The following DSC3 variants were observed in gnomAD, a reference collection of about 807,000 sequenced individuals.
DSC3 encodes desmocollin-3.
In DSC3, 97 loss-of-function variants were observed where a neutral mutation model predicts 89.5. That is an observed-to-expected ratio of 1.08 (90% CI 0.92 to 1.28). The LOEUF is 1.28. Ranked by LOEUF, DSC3 falls within the 50% of genes most tolerant of loss-of-function variation. The probability of loss-of-function intolerance (pLI) is 0.00; values close to 1 mark genes in which losing one functional copy is unlikely to be tolerated. For synonymous variants in DSC3, 436 were observed against 384.1 expected, an observed-to-expected ratio of 1.14 and a Z score of -1.58; for missense variants, 1,199 against 1,085.3, an observed-to-expected ratio of 1.10 and a Z score of -1.47.
intron 9 of DSC3, among the ~76,000 whole-genome samples, chr18:31,009,517 A>C (rs1984986648): frequency 6.6e-6 from 1 of 152,192 alleles, no homozygotes; most frequent in Admixed American, 6.5e-5. Flanking sequence ...ATCCATGCCC[A>C]CTACCTGTTT....
rs1212962156 is a variant in DSC3, at chr18:31,008,159, C to G, written c.1521-1G>C. 1.9e-6 allele frequency: 3 copies of G among 1,607,628 alleles called. No individual in the cohort carries two copies. The East Asian group carries it at 6.7e-5, about 36-fold the overall frequency. ...TTTAGGATCATGCAATTTTTTGTACCTGTTAATAAAAAAAAAATAGTCTTT... is the reference window on the plus strand; with the variant it reads ...TTTAGGATCATGCAATTTTTTGTACGTGTTAATAAAAAAAAAATAGTCTTT... On this transcript the variant is annotated splice_acceptor_variant, in intron 10 of 15. Coordinates refer to ENST00000360428, the MANE Select transcript of DSC3 (RefSeq NM_001941.5). LOFTEE classifies it high-confidence loss of function.
At chr18:31,028,339 G>A (rs1285532219) in intron 4 of DSC3, among the ~76,000 whole-genome samples, 2 of 152,114 alleles carry the variant, frequency 1.3e-5, no homozygotes, top group African/African-American at 4.8e-5. Context: ...AAAAAGGAGG[G>A]AAAGGTGAGC....
intron 6 of DSC3, among the ~76,000 whole-genome samples, chr18:31,023,919 A>T (rs1011440191): frequency 3.3e-5 from 5 of 151,858 alleles, no homozygotes; most frequent in Non-Finnish European, 7.4e-5. Flanking sequence ...ATAGGAGCAT[A>T]AAAAAAACTG....
chr18:31,028,660 C>G (rs1225755137), intron 4 of DSC3, among the ~76,000 whole-genome samples: 1 of 152,018 alleles, frequency 6.6e-6, no homozygotes, highest in Non-Finnish European at 1.5e-5. Context: ...ATCAAGCACA[C>G]TATTAGAAAT....
rs775187201 is a variant in DSC3 at position 31,036,798 on chromosome 18, C to CTTTTTTTTTTTTTTTTTTTTTT, written c.70-4523_70-4522insAAAAAAAAAAAAAAAAAAAAAA. Among the ~76,000 whole-genome samples the CTTTTTTTTTTTTTTTTTTTTTT allele has an allele frequency of 2.2e-3, 241 of 107,234 alleles. 17 individuals carry two copies. Among genetic ancestry groups the CTTTTTTTTTTTTTTTTTTTTTT allele is most frequent in the East Asian group, 6.9e-3 (15 of 2,162 alleles). The allele number at this position is 107,234 out of a possible 152,430, so 70.3% of individuals were successfully genotyped here. On this transcript the variant is annotated intron_variant, in intron 1 of 15. Coordinates refer to ENST00000360428, the MANE Select transcript of DSC3 (RefSeq NM_001941.5). ...TATTTCCTTTTTGCTTTCTTTCTTC[C>CTTTTTTTTTTTTTTTTTTTTTT]TTTTTTTTTTTTGAGATGGAATCTT...
chr18:31,036,798 CT>C lies in DSC3; in HGVS notation c.70-4523del, dbSNP rs775187201. ...TATTTCCTTTTTGCTTTCTTTCTTC[CT>C]TTTTTTTTTTTGAGATGGAATCTTG... On this transcript the variant is annotated intron_variant, in intron 1 of 15. Coordinates refer to ENST00000360428, the MANE Select transcript of DSC3 (RefSeq NM_001941.5). Among the ~76,000 whole-genome samples the C allele has an allele frequency of 9.3e-4, 100 of 107,282 alleles. 2 individuals are homozygous for C. The highest frequency in any genetic ancestry group is 2.4e-3 in the South Asian group (6 of 2,514). 70.4% of individuals were successfully genotyped at this position (107,282 alleles called of 152,430 possible).
chr18:30,995,997 AAAG>A (rs1567947525), intron 15 of DSC3, among the ~76,000 whole-genome samples: 10 of 117,630 alleles, frequency 8.5e-5, no homozygotes, highest in African/African-American at 3.9e-4. Flanking sequence ...AAAAAAAAAA[AAAG>A]AAAAGAAAGA....
In DSC3 at chr18:30,992,402, TC is replaced by T. The variant is rs1196547492; in HGVS notation, c.*1772del. ...GCTCATCCTGCAAATGCCTTCAGAC[TC>T]ATCATGCAGTCAGCTCTGTCTCCTT... On this transcript the variant is annotated 3_prime_UTR_variant, in exon 16 of 16. Coordinates refer to ENST00000360428, the MANE Select transcript of DSC3 (RefSeq NM_001941.5). 1 of 152,210 alleles carries T rather than the reference TC, an allele frequency of 6.6e-6. No homozygotes were observed. The highest frequency in any genetic ancestry group is 1.5e-5 in the Non-Finnish European group (1 of 68,064). 9.4% of individuals were successfully genotyped at this position (152,210 alleles called of 1,614,324 possible). A position where few individuals can be genotyped will look rare whatever the true frequency, so the allele number is the denominator to read the frequency against.
chr18:31,032,643 T>G (rs1391567493), intron 1 of DSC3, among the ~76,000 whole-genome samples: 1 of 151,052 alleles, frequency 6.6e-6, no homozygotes, highest in African/African-American at 2.4e-5. Flanking sequence ...TGGCCCAGGC[T>G]GGAGTGCAAT....
intron 1 of DSC3, among the ~76,000 whole-genome samples, chr18:31,032,657 G>A (rs980874367): frequency 3.3e-5 from 5 of 151,228 alleles, no homozygotes; most frequent in Admixed American, 1.3e-4. Context: ...GTGCAATGGC[G>A]TGATCTTGGC....
At position 31,008,052 on chromosome 18, in the gene DSC3, CAT is replaced by C; in HGVS notation, c.1625_1626del (p.Asn542ArgfsTer4). The part of the protein sequence containing the change: ...ILDREVETPK[N>X]ELYNITVLAI... ...GCCAGGACTGTAATATTATACAACT[CAT>C]TTTTGGGAGTTTCAACCTCCCTATC... On this transcript the variant is annotated frameshift_variant, in exon 11 of 16. Transcript: ENST00000360428. LOFTEE classifies it high-confidence loss of function. The C allele has an allele frequency of 1.2e-6, 2 of 1,613,090 alleles. No individual in the cohort carries two copies. Among genetic ancestry groups the C allele is most frequent in the Non-Finnish European group, 1.7e-6 (2 of 1,179,600 alleles).
At chr18:30,999,649 G>T (rs1357086469) in intron 14 of DSC3, among the ~76,000 whole-genome samples, 1 of 152,088 alleles carries the variant, frequency 6.6e-6, no homozygotes, top group Non-Finnish European at 1.5e-5. Flanking sequence ...ATTTCCCAAA[G>T]TTCCTTCTCA....
chr18:31,036,968 T>C (rs1985992547), intron 1 of DSC3, among the ~76,000 whole-genome samples: 1 of 151,892 alleles, frequency 6.6e-6, no homozygotes, highest in African/African-American at 2.4e-5. Context: ...AATTTTTGTA[T>C]TTTTAGTAGA....
Position 31,042,470 on chromosome 18 carries a change from G to A in DSC3, c.69+122C>T, listed in dbSNP as rs934526143. On this transcript the variant is annotated intron_variant, in intron 1 of 15. Coordinates refer to ENST00000360428, the MANE Select transcript of DSC3 (RefSeq NM_001941.5). ...CGAACTTGGGGCTGCTACCAGACCC[G>A]CAGCATTGATCTGAGCCGCGGTTGT... is the stretch of plus-strand genomic sequence containing the variant. The A allele has an allele frequency of 7.0e-6, 7 of 1,004,488 alleles. No individual in the cohort carries two copies. The African/African-American group carries it at 8.0e-5, about 12-fold the overall frequency. 62.2% of individuals were successfully genotyped at this position (1,004,488 alleles called of 1,614,324 possible).
intron 1 of DSC3, among the ~76,000 whole-genome samples, chr18:31,041,298 A>G (rs1303865533): frequency 6.6e-6 from 1 of 152,368 alleles, no homozygotes; most frequent in East Asian, 1.9e-4. Context: ...ACAAAAGAAC[A>G]CATTCTCTAA....
intron 12 of DSC3, among the ~76,000 whole-genome samples, chr18:31,006,241 C>T (rs1984835019): frequency 6.6e-6 from 1 of 152,078 alleles, no homozygotes; most frequent in Admixed American, 6.5e-5. Context: ...CCAGAGTCAG[C>T]TTACAATACA....
chr18:31,040,888 A>T (rs1239891595), intron 1 of DSC3, among the ~76,000 whole-genome samples: 1 of 152,162 alleles, frequency 6.6e-6, no homozygotes. Context: ...ATCCGGTCCG[A>T]AATTGCAAGT....
At chr18:30,999,311 A>T (rs936754385) in intron 14 of DSC3, among the ~76,000 whole-genome samples, 2 of 152,284 alleles carry the variant, frequency 1.3e-5, no homozygotes, top group African/African-American at 2.4e-5. Flanking sequence ...ATATATCTAC[A>T]AAAGTCATAC....
rs201345982 is a variant in DSC3 at position 31,008,022 on chromosome 18, C to A, written c.1657G>T (p.Asp553Tyr). The change falls in exon 11 of 16, where the codon GAC becomes TAC. Residue 553 changes from aspartate to tyrosine, a missense_variant. Asp to Tyr is a radical substitution (Grantham distance 160). Transcript: ENST00000360428. ...ATTAAAACTTTTTTTTTACCTTTGT[C>A]TATTGCCAGGACTGTAATATTATAC... ...ELYNITVLAI[D>Y]KDDRSCTGTL... is the part of the protein sequence containing the mutation. 1.8e-5 allele frequency: 29 copies of A among 1,611,746 alleles called. No individual in the cohort carries two copies. Among genetic ancestry groups the A allele is most frequent in the Middle Eastern group, 1.7e-4 (1 of 6,054 alleles).
Sources: gnomAD v4.1 joint callset for allele counts (sites outside exome capture counted in the v4.1 genomes callset) on GRCh38, gnomAD v4.1.1 for gene constraint, MANE v1.5 for transcripts, NCBI Gene and HGNC (gene_info 2026-07-23, HGNC 2026-07-21) for gene names.